Variants in NLGN4X observed in about 807,000 individuals in gnomAD.
NLGN4X encodes the protein neuroligin 4 X-linked.
Under a neutral mutation model 40.3 loss-of-function variants are expected in NLGN4X, and 3 were observed. That is an observed-to-expected ratio of 0.07 (90% confidence interval 0.03 to 0.19). The LOEUF (loss-of-function observed/expected upper bound fraction) is 0.19. Among genes scored for constraint, NLGN4X ranks in the 10% least tolerant of loss-of-function variants. The probability of loss-of-function intolerance (pLI) is 1.00; values close to 1 mark genes in which losing one functional copy is unlikely to be tolerated. For missense variants in NLGN4X, 382 were observed against 708.3 expected (o/e 0.54, Z 5.23); for synonymous variants, 270 against 306.8 (o/e 0.88, Z 1.25).
chrX:6,193,653 A>G (rs1922788739), intron 1 of NLGN4X, among the ~76,000 whole-genome samples: 1 of 111,573 alleles, frequency 9.0e-6, no homozygotes. Flanking sequence ...AAGTCAAGGA[A>G]CTAGTCTAGT....
intron 2 of NLGN4X, among the ~76,000 whole-genome samples, chrX:6,030,369 C>G (rs907655069): frequency 1.5e-5 from 1 of 66,333 alleles, no homozygotes; most frequent in Non-Finnish European, 3.0e-5. Context: ...ACTGACCTCA[C>G]GTATAAATAT....
At chrX:5,921,436 G>GAGAGAGGAGAGAC in intron 3 of NLGN4X, among the ~76,000 whole-genome samples, 11 of 37,979 alleles carry the variant, frequency 2.9e-4, no homozygotes, top group South Asian at 1.3e-3. Flanking sequence ...AGAGAGAGAG[G>GAGAGAGGAGAGAC]AGAGACAGAG....
intron 3 of NLGN4X, among the ~76,000 whole-genome samples, chrX:5,956,787 A>C (rs1412036497): frequency 1.8e-5 from 2 of 112,368 alleles, no homozygotes; most frequent in Admixed American, 1.9e-4. Context: ...AGGTTACTAC[A>C]TAATGTAAAC....
At chrX:5,967,040 T>C (rs2034854765) in intron 3 of NLGN4X, among the ~76,000 whole-genome samples, 1 of 111,618 alleles carries the variant, frequency 9.0e-6, no homozygotes, top group African/African-American at 3.3e-5. Flanking sequence ...TGGGAGCAAA[T>C]GCAATAAAGA....
chrX:6,026,633 T>A (rs776371203), intron 3 of NLGN4X, among the ~76,000 whole-genome samples: 5 of 111,675 alleles, frequency 4.5e-5, no homozygotes, highest in Non-Finnish European at 9.4e-5. Flanking sequence ...CTTGGCACAT[T>A]TCATTCCATC....
intron 2 of NLGN4X, among the ~76,000 whole-genome samples, chrX:6,136,630 G>T (rs2039824575): frequency 8.9e-6 from 1 of 112,129 alleles, no homozygotes; most frequent in South Asian, 3.7e-4. Flanking sequence ...CAACAAAAAG[G>T]GTATACTAGT....
intron 2 of NLGN4X, among the ~76,000 whole-genome samples, chrX:6,115,684 C>T (rs1396428657): frequency 8.9e-6 from 1 of 111,941 alleles, no homozygotes; most frequent in Non-Finnish European, 1.9e-5. Context: ...GCAAAAAACA[C>T]ATAGATGGAT....
rs1037370767 is a variant in NLGN4X at position 6,137,343 on chromosome X, C to T, written c.472+13652G>A. Reference sequence around the variant, plus strand: ...AGGATCTTCCCTAACACAGTATGAACTCATCTTACCTTGATTACATTTGCA... The same window carrying T: ...AGGATCTTCCCTAACACAGTATGAATTCATCTTACCTTGATTACATTTGCA... On this transcript the variant is annotated intron_variant, in intron 2 of 5. Transcript: ENST00000381095. 4.5e-5 allele frequency among the ~76,000 whole-genome samples: 5 copies of T among 111,956 alleles called. No homozygotes were observed. The South Asian group carries it at 1.9e-3, about 42-fold the overall frequency.
chrX:6,212,815 C>A (rs1411666610), intron 1 of NLGN4X, among the ~76,000 whole-genome samples: 1 of 111,714 alleles, frequency 9.0e-6, no homozygotes, highest in African/African-American at 3.3e-5. Context: ...AGTGAATAGA[C>A]TCTCTGGTGT....
intron 3 of NLGN4X, among the ~76,000 whole-genome samples, chrX:5,969,769 C>A (rs2034961523): frequency 9.1e-6 from 1 of 110,306 alleles, no homozygotes. Flanking sequence ...GACTTGGAAC[C>A]AACCCAAATG....
chrX:6,050,799 C>T (rs935029599), intron 2 of NLGN4X, among the ~76,000 whole-genome samples: 2 of 111,522 alleles, frequency 1.8e-5, no homozygotes, highest in African/African-American at 6.5e-5. Context: ...ATCTATCTAT[C>T]TATCTATCTA....
intron 2 of NLGN4X, among the ~76,000 whole-genome samples, chrX:6,146,428 C>T: frequency 9.0e-6 from 1 of 111,604 alleles, no homozygotes; most frequent in Admixed American, 9.5e-5. Flanking sequence ...TGTTCCCTAA[C>T]TAGGATGCTC....
intron 2 of NLGN4X, among the ~76,000 whole-genome samples, chrX:6,137,657 C>T (rs1311530185): frequency 4.5e-5 from 5 of 111,674 alleles, no homozygotes; most frequent in African/African-American, 6.5e-5. Context: ...ATGATGATGG[C>T]GATGACTCTG....
chrX:5,950,652 T>C (rs906061083), intron 3 of NLGN4X, among the ~76,000 whole-genome samples: 16 of 112,224 alleles, frequency 1.4e-4, no homozygotes, highest in Admixed American at 1.4e-3. Flanking sequence ...CCATAAGGAC[T>C]CTAAATGTTA....
chrX:5,974,961 C>G (rs2035131801), intron 3 of NLGN4X, among the ~76,000 whole-genome samples: 1 of 111,649 alleles, frequency 9.0e-6, no homozygotes, highest in Non-Finnish European at 1.9e-5. Context: ...GATCTGGTCA[C>G]TGAGCAGACT....
intron 2 of NLGN4X, among the ~76,000 whole-genome samples, chrX:6,053,810 C>G (rs960080852): frequency 3.6e-5 from 4 of 112,349 alleles, no homozygotes; most frequent in Non-Finnish European, 7.5e-5. Flanking sequence ...AGCAGAAATA[C>G]TCTATTTCAG....
rs745853025 is a variant in NLGN4X, at chrX:6,185,713, A to G, written c.-305-33942T>C. On this transcript the variant is annotated intron_variant, in intron 1 of 5. Transcript: ENST00000381095. ...AAGCGTTCCTTTCTTCTAGATCATA[A>G]AACAAATGGATTGGAGTGTGAAAAA... Among the ~76,000 whole-genome samples, 4 of 112,297 alleles carry G rather than the reference A, an allele frequency of 3.6e-5. No individual in the cohort carries two copies. The East Asian group carries it at 1.1e-3, about 31-fold the overall frequency.
At chrX:6,192,649 A>G (rs1922648249) in intron 1 of NLGN4X, among the ~76,000 whole-genome samples, 1 of 111,651 alleles carries the variant, frequency 9.0e-6, no homozygotes, top group Non-Finnish European at 1.9e-5. Context: ...GCATGCAAAC[A>G]GAATGAAGGG....
At chrX:5,907,370 AG>A (rs1014701568) in intron 4 of NLGN4X, among the ~76,000 whole-genome samples, 7 of 111,717 alleles carry the variant, frequency 6.3e-5, no homozygotes, top group Non-Finnish European at 1.3e-4. Flanking sequence ...CGGATACTGC[AG>A]GGAGCCTCCT....
Sources: allele counts gnomAD v4.1 joint callset (sites outside exome capture counted in the v4.1 genomes callset), GRCh38; gene constraint gnomAD v4.1.1; transcripts MANE v1.5; gene names NCBI Gene and HGNC (gene_info 2026-07-23, HGNC 2026-07-21).